The following GNA14 variants were observed in gnomAD, a reference collection of about 807,000 sequenced individuals.
GNA14 encodes guanine nucleotide-binding protein subunit alpha-14.
Under a neutral mutation model 42.0 loss-of-function variants are expected in GNA14, and 50 were observed. That is an observed-to-expected ratio of 1.19 (90% CI 0.95 to 1.51). The LOEUF is 1.51. GNA14 is among the 40% of genes most tolerant of loss of function. The pLI, the probability that GNA14 is intolerant of heterozygous loss-of-function variation, is 0.00. For synonymous variants in GNA14, 173 were observed against 163.1 expected (o/e 1.06, Z -0.46); for missense variants, 473 against 446.2 (o/e 1.06, Z -0.54).
At chr9:77,611,127 T>C (rs974966779) in intron 1 of GNA14, among the ~76,000 whole-genome samples, 1 of 152,208 alleles carries the variant, frequency 6.6e-6, no homozygotes, top group Non-Finnish European at 1.5e-5. Flanking sequence ...TTAAGGCAGC[T>C]AGAAGACTGG....
At chr9:77,425,977 GGAAC>G (rs1040460210) in intron 5 of GNA14, among the ~76,000 whole-genome samples, 50 of 152,264 alleles carry the variant, frequency 3.3e-4, no homozygotes, top group Admixed American at 2.4e-3. Flanking sequence ...AAACTCACAT[GGAAC>G]GAAGTAAGAA....
intron 2 of GNA14, among the ~76,000 whole-genome samples, chr9:77,478,029 TC>T (rs905227620): frequency 9.0e-6 from 1 of 110,942 alleles, no homozygotes; most frequent in African/African-American, 3.0e-5. Flanking sequence ...TTTAAAGGTG[TC>T]TTTTTTTTTT....
At position 77,560,031 on chromosome 9, in the gene GNA14, T is replaced by TA. The variant is rs1822852344; in HGVS notation, c.125-30779dup. Among the ~76,000 whole-genome samples, 5 of 152,262 alleles carry TA rather than the reference T, an allele frequency of 3.3e-5. No homozygotes were observed. The South Asian group carries it at 1.0e-3, about 32-fold the overall frequency. ...CCCATGAGAATTACCTAGCGAGCTT[T>TA]AAAAAAACTATGTGATGCCAGAGCT... On this transcript the variant is annotated intron_variant, in intron 1 of 6. Coordinates refer to ENST00000341700, the MANE Select transcript of GNA14 (RefSeq NM_004297.4).
At position 77,529,257 on chromosome 9, in the gene GNA14, T is replaced by C; in HGVS notation, c.125-4A>G. 1 of 1,612,370 alleles carries C rather than the reference T, an allele frequency of 6.2e-7. No individual in the cohort carries two copies. Among genetic ancestry groups the C allele is most frequent in the Non-Finnish European group, 8.5e-7 (1 of 1,178,470 alleles). On this transcript the variant is annotated splice_polypyrimidine_tract_variant and splice_region_variant and intron_variant, in intron 1 of 6. Coordinates refer to ENST00000341700, the MANE Select transcript of GNA14 (RefSeq NM_004297.4). ...CTTTTCCCACTTTCACCAGTTCCTATAAGACAAAACAAGTGGAAAACGCTG... is the reference window on the plus strand; with the variant it reads ...CTTTTCCCACTTTCACCAGTTCCTACAAGACAAAACAAGTGGAAAACGCTG...
intron 1 of GNA14, among the ~76,000 whole-genome samples, chr9:77,646,196 C>T (rs1824349168): frequency 6.6e-6 from 1 of 152,236 alleles, no homozygotes; most frequent in South Asian, 2.1e-4. Flanking sequence ...GGACTCCCTC[C>T]ACTCCTACCC....
intron 1 of GNA14, among the ~76,000 whole-genome samples, chr9:77,549,774 A>T (rs1837767280): frequency 6.6e-6 from 1 of 152,066 alleles, no homozygotes; most frequent in Non-Finnish European, 1.5e-5. Flanking sequence ...GCCCTCTTTC[A>T]TCTTCTCCCC....
At chr9:77,440,552 T>C (rs1835715328) in intron 2 of GNA14, among the ~76,000 whole-genome samples, 1 of 152,250 alleles carries the variant, frequency 6.6e-6, no homozygotes, top group Non-Finnish European at 1.5e-5. Context: ...TACTTATATT[T>C]TAATTGACAA....
chr9:77,618,655 A>G (rs1370334601), intron 1 of GNA14, among the ~76,000 whole-genome samples: 104 of 35,514 alleles, frequency 2.9e-3, no homozygotes, highest in Non-Finnish European at 4.3e-3. Flanking sequence ...TTTTTTTGAG[A>G]CGGAGTCTCG....
intron 2 of GNA14, among the ~76,000 whole-genome samples, chr9:77,464,375 G>A (rs58708277): frequency 0.084 from 8,221 of 97,572 alleles, 613 homozygotes; most frequent in African/African-American, 0.23. Context: ...GTGTGTGTGT[G>A]TGTGTGTGTG....
intron 1 of GNA14, among the ~76,000 whole-genome samples, chr9:77,601,891 A>G (rs973384713): frequency 2.6e-5 from 4 of 152,180 alleles, no homozygotes; most frequent in Non-Finnish European, 4.4e-5. Flanking sequence ...CAGGGCCACC[A>G]ATGGGTCTGC....
At chr9:77,542,115 T>C (rs1837668002) in intron 1 of GNA14, among the ~76,000 whole-genome samples, 1 of 152,212 alleles carries the variant, frequency 6.6e-6, no homozygotes, top group African/African-American at 2.4e-5. Flanking sequence ...TCCTGTTTCC[T>C]GTGTTTTTAC....
At chr9:77,518,126 G>C (rs1389791274) in intron 2 of GNA14, 1 of 152,060 alleles carries the variant, frequency 6.6e-6, no homozygotes, top group East Asian at 1.9e-4. Flanking sequence ...TTTAAATTTT[G>C]TAATATCACC....
chr9:77,645,032 CT>C (rs1317974495), intron 1 of GNA14, among the ~76,000 whole-genome samples: 2 of 152,186 alleles, frequency 1.3e-5, no homozygotes, highest in Non-Finnish European at 2.9e-5. Context: ...AATTATTAGC[CT>C]TAACCAAACA....
intron 1 of GNA14, among the ~76,000 whole-genome samples, chr9:77,554,279 T>C (rs975213851): frequency 5.3e-5 from 8 of 152,186 alleles, no homozygotes; most frequent in Non-Finnish European, 7.4e-5. Flanking sequence ...CATCTGTAAG[T>C]TGGAATTATA....
intron 1 of GNA14, among the ~76,000 whole-genome samples, chr9:77,644,137 G>C (rs184473621): frequency 6.6e-6 from 1 of 152,126 alleles, no homozygotes; most frequent in Admixed American, 6.5e-5. Flanking sequence ...AAAATGAGTG[G>C]GGCCCTAATA....
intron 2 of GNA14, among the ~76,000 whole-genome samples, chr9:77,447,552 C>A (rs192790520): frequency 6.6e-6 from 1 of 152,228 alleles, no homozygotes; most frequent in East Asian, 1.9e-4. Flanking sequence ...GGCTAATGAC[C>A]CCTGAATTTC....
intron 2 of GNA14, among the ~76,000 whole-genome samples, chr9:77,463,458 T>C (rs1836154259): frequency 6.6e-6 from 1 of 152,368 alleles, no homozygotes; most frequent in East Asian, 1.9e-4. Flanking sequence ...TGCTAACCTT[T>C]GCTTTTAAAA....
chr9:77,551,829 G>T (rs1396482126), intron 1 of GNA14, among the ~76,000 whole-genome samples: 1 of 151,912 alleles, frequency 6.6e-6, no homozygotes, highest in Non-Finnish European at 1.5e-5. Context: ...GCCAGTATTT[G>T]CAAATACAGC....
intron 2 of GNA14, among the ~76,000 whole-genome samples, chr9:77,501,031 T>C (rs1386597273): frequency 2.0e-5 from 3 of 152,142 alleles, no homozygotes; most frequent in East Asian, 3.9e-4. Flanking sequence ...CTTGGCTCAC[T>C]GCAACCTCCG....
Sources: allele counts gnomAD v4.1 joint callset (sites outside exome capture counted in the v4.1 genomes callset), GRCh38; gene constraint gnomAD v4.1.1; transcripts MANE v1.5; gene names NCBI Gene and HGNC (gene_info 2026-07-23, HGNC 2026-07-21).